GRID1: variants seen among roughly 807,000 people sequenced by gnomAD.
GRID1 encodes the protein glutamate receptor ionotropic, delta-1.
A neutral mutation model predicts 98.0 loss-of-function variants in GRID1; 28 were observed. The ratio of observed to expected loss-of-function variants is 0.29; its 90% CI spans 0.21 to 0.39. The LOEUF is 0.39. Among genes scored for constraint, GRID1 ranks in the 10% least tolerant of loss-of-function variants. The probability of loss-of-function intolerance (pLI) is 1.00; values close to 1 mark genes in which losing one functional copy is unlikely to be tolerated. For missense variants in GRID1, 1,111 were observed against 1,340.5 expected (o/e 0.83, Z 2.67); for synonymous variants, 553 against 538.5 (o/e 1.03, Z -0.37).
At chr10:86,065,177 G>T (rs1843701481) in intron 4 of GRID1, among the ~76,000 whole-genome samples, 1 of 152,226 alleles carries the variant, frequency 6.6e-6, no homozygotes, top group Non-Finnish European at 1.5e-5. Context: ...CTGGCACAGT[G>T]GTTCTCCAAG....
intron 4 of GRID1, among the ~76,000 whole-genome samples, chr10:86,134,861 A>C (rs1365022190): frequency 1.3e-5 from 2 of 152,156 alleles, no homozygotes; most frequent in Non-Finnish European, 2.9e-5. Context: ...CCGTGCTCTT[A>C]CAAGACTTGG....
intron 4 of GRID1, among the ~76,000 whole-genome samples, chr10:85,955,468 C>T (rs944589676): frequency 6.6e-6 from 1 of 152,092 alleles, no homozygotes; most frequent in Non-Finnish European, 1.5e-5. Context: ...TGGCCTCTGC[C>T]CGGTCCCCTA....
chr10:85,772,282 A>C (rs1451727352), intron 8 of GRID1, among the ~76,000 whole-genome samples: 4 of 152,194 alleles, frequency 2.6e-5, no homozygotes, highest in South Asian at 2.1e-4. Flanking sequence ...AACAAGAACA[A>C]AGACACAACA....
chr10:86,247,633 C>G (rs1301119569), intron 2 of GRID1, among the ~76,000 whole-genome samples: 1 of 152,088 alleles, frequency 6.6e-6, no homozygotes, highest in Non-Finnish European at 1.5e-5. Flanking sequence ...CATGACTACC[C>G]CTAAAAGTTT....
intron 8 of GRID1, among the ~76,000 whole-genome samples, chr10:85,748,633 G>GAA (rs1205480164): frequency 6.6e-6 from 1 of 152,074 alleles, no homozygotes; most frequent in Admixed American, 6.6e-5. Context: ...CCTTAAATTA[G>GAA]AACACATATT....
intron 4 of GRID1, among the ~76,000 whole-genome samples, chr10:86,034,357 A>G (rs935677070): frequency 1.3e-5 from 2 of 152,166 alleles, no homozygotes; most frequent in African/African-American, 4.8e-5. Flanking sequence ...AGGGAAAGAC[A>G]CCAAAATTTA....
At chr10:85,817,206 T>C (rs2131747902) in intron 8 of GRID1, among the ~76,000 whole-genome samples, 1 of 152,274 alleles carries the variant, frequency 6.6e-6, no homozygotes, top group Middle Eastern at 3.4e-3. Flanking sequence ...TATATTCCTC[T>C]GGGTATATAT....
chr10:86,213,252 G>A (rs114230659), intron 2 of GRID1, among the ~76,000 whole-genome samples: 4 of 152,084 alleles, frequency 2.6e-5, no homozygotes, highest in African/African-American at 4.8e-5. Flanking sequence ...CCACACTGCC[G>A]GCAAGCAGTG....
chr10:86,138,583 C>T (rs1237056093), intron 4 of GRID1, among the ~76,000 whole-genome samples: 2 of 152,232 alleles, frequency 1.3e-5, no homozygotes, highest in Non-Finnish European at 2.9e-5. Context: ...CACCAGCCTC[C>T]CCACAGCTCT....
At chr10:86,133,873 T>A (rs1298376848) in intron 4 of GRID1, among the ~76,000 whole-genome samples, 1 of 152,184 alleles carries the variant, frequency 6.6e-6, no homozygotes, top group Non-Finnish European at 1.5e-5. Context: ...CTGCCCCGCC[T>A]CCTTGTGAAC....
At position 86,195,834 on chromosome 10, in the gene GRID1, T is replaced by A. The variant is rs1050774124; in HGVS notation, c.520+10530A>T. Among the ~76,000 whole-genome samples, 1 of 152,130 alleles carries A rather than the reference T, an allele frequency of 6.6e-6. No homozygotes were observed. Among genetic ancestry groups the A allele is most frequent in the African/African-American group, 2.4e-5 (1 of 41,444 alleles). On this transcript the variant is annotated intron_variant, in intron 3 of 15. Transcript: ENST00000327946. The surrounding 1 kb of genome is among the most constrained non-coding windows in gnomAD (Gnocchi z 4.4). ...AAATACGGGGCAGGCAGCTGCCACC[T>A]GGATCAAAACCACCAGGCTTCCTGC... is the stretch of plus-strand genomic sequence containing the variant.
At chr10:86,256,684 G>C (rs1420216665) in intron 2 of GRID1, among the ~76,000 whole-genome samples, 1 of 152,086 alleles carries the variant, frequency 6.6e-6, no homozygotes, top group Non-Finnish European at 1.5e-5. Context: ...AGCACAACAT[G>C]GAGGATTAGA....
chr10:86,162,440 A>G (rs549875937), intron 3 of GRID1, among the ~76,000 whole-genome samples: 2 of 152,172 alleles, frequency 1.3e-5, no homozygotes, highest in African/African-American at 2.4e-5. Context: ...TCCCAAGCCC[A>G]CTAGGGACAG....
intron 8 of GRID1, among the ~76,000 whole-genome samples, chr10:85,809,309 A>G (rs1842650150): frequency 6.6e-6 from 1 of 152,168 alleles, no homozygotes; most frequent in African/African-American, 2.4e-5. Flanking sequence ...TCACAACTTA[A>G]ATTATTAAAT....
intron 6 of GRID1, among the ~76,000 whole-genome samples, chr10:85,866,303 CAAAA>C (rs201164587): frequency 4.6e-5 from 3 of 65,404 alleles, no homozygotes; most frequent in Non-Finnish European, 6.0e-5. Context: ...TAAATCACAC[CAAAA>C]AAAAAAAAAA....
intron 2 of GRID1, among the ~76,000 whole-genome samples, chr10:86,346,849 C>A (rs953348574): frequency 3.3e-5 from 5 of 152,172 alleles, no homozygotes; most frequent in Non-Finnish European, 2.9e-5. Context: ...AGGAATAAAG[C>A]AGAGATCCCC....
intron 4 of GRID1, among the ~76,000 whole-genome samples, chr10:86,044,496 A>G (rs1843392769): frequency 6.6e-6 from 1 of 152,244 alleles, no homozygotes; most frequent in South Asian, 2.1e-4. Context: ...TTAGGCATTC[A>G]TAAAAGCTAC....
chr10:86,111,964 C>T (rs531705039), intron 4 of GRID1, among the ~76,000 whole-genome samples: 68 of 152,324 alleles, frequency 4.5e-4, no homozygotes, highest in African/African-American at 1.4e-3. Context: ...CTCCACCCGA[C>T]AATAAAGACA....
intron 8 of GRID1, among the ~76,000 whole-genome samples, chr10:85,844,891 A>T (rs1303546285): frequency 6.6e-6 from 1 of 152,050 alleles, no homozygotes; most frequent in Non-Finnish European, 1.5e-5. Flanking sequence ...AAATAAATGT[A>T]ACACTCATTC....
Sources: gnomAD v4.1 joint callset for allele counts (sites outside exome capture counted in the v4.1 genomes callset) on GRCh38, gnomAD v4.1.1 for gene constraint, Gnocchi (gnomAD v3.1) non-coding constraint, MANE v1.5 for transcripts, NCBI Gene and HGNC (gene_info 2026-07-23, HGNC 2026-07-21) for gene names.